Variants in CLRN1 observed in about 807,000 individuals in gnomAD.
The protein encoded by CLRN1 is clarin 1, also known as clarin-1.
CLRN1 carries 15 observed loss-of-function variants against 18.7 expected under a neutral mutation model. That is an observed-to-expected ratio of 0.80 (90% confidence interval 0.54 to 1.23). The LOEUF is 1.23. CLRN1 is among the 50% of genes most tolerant of loss of function. The probability of loss-of-function intolerance (pLI) is 0.00; values close to 1 mark genes in which losing one functional copy is unlikely to be tolerated. For synonymous variants in CLRN1, 104 were observed against 102.9 expected, an observed-to-expected ratio of 1.01 and a Z score of -0.07; for missense variants, 311 against 277.5, an observed-to-expected ratio of 1.12 and a Z score of -0.86.
upstream of CLRN1, chr3:150,972,973 C>T (rs1214248760): frequency 8.8e-6 from 5 of 569,026 alleles, no homozygotes; most frequent in African/African-American, 7.5e-5. Context: ...TAAAACAAGT[C>T]TTTCAAACTG....
intron 1 of CLRN1, chr3:150,944,345 G>C (rs1230429411): frequency 5.4e-6 from 1 of 186,160 alleles, no homozygotes; most frequent in Non-Finnish European, 1.1e-5. Context: ...GAAGCCACTA[G>C]AGAATTTTAA....
intron 1 of CLRN1, among the ~76,000 whole-genome samples, chr3:150,961,589 T>C (rs1490143081): frequency 6.6e-6 from 1 of 152,214 alleles, no homozygotes; most frequent in East Asian, 1.9e-4. Flanking sequence ...ATTAAAGCTA[T>C]AAAGACAGTT....
At chr3:150,939,673 T>G (rs1713696877) in intron 2 of CLRN1, among the ~76,000 whole-genome samples, 1 of 152,136 alleles carries the variant, frequency 6.6e-6, no homozygotes, top group African/African-American at 2.4e-5. Context: ...ACGCTGCTCA[T>G]CTGGGAACTC....
chr3:150,969,007 TCCATAAAACCA>T (rs1240526542), intron 1 of CLRN1, among the ~76,000 whole-genome samples: 2 of 151,352 alleles, frequency 1.3e-5, no homozygotes, highest in East Asian at 3.9e-4. Context: ...AACTCTCTGC[TCCATAAAACCA>T]CACACAAAAA....
intron 2 of CLRN1, among the ~76,000 whole-genome samples, chr3:150,934,187 A>G (rs1713322279): frequency 6.6e-6 from 1 of 152,210 alleles, no homozygotes; most frequent in African/African-American, 2.4e-5. Flanking sequence ...TGAAACTGAT[A>G]TATAATGTAA....
rs1198959688 is a variant in CLRN1 at position 150,965,632 on chromosome 3, C to T, written c.253+6824G>A. 2.6e-5 allele frequency among the ~76,000 whole-genome samples: 4 copies of T among 152,088 alleles called. No homozygotes were observed. The East Asian group carries it at 7.7e-4, about 29-fold the overall frequency. On this transcript the variant is annotated intron_variant, in intron 1 of 2. Coordinates refer to ENST00000327047, the MANE Select transcript of CLRN1 (RefSeq NM_174878.3). ...CAAATTGTGAGAACAGTTGAGGAGT[C>T]ATCCTTCAATAGGTAAAGTTCATAT... is the stretch of plus-strand genomic sequence containing the variant.
rs373532746 is a variant in CLRN1 at position 150,967,075 on chromosome 3, G to T, written c.253+5381C>A. Among the ~76,000 whole-genome samples the T allele has an allele frequency of 1.2e-4, 19 of 152,226 alleles. No individual in the cohort carries two copies. In the South Asian group the frequency reaches 3.5e-3, roughly 28 times the overall value. On this transcript the variant is annotated intron_variant, in intron 1 of 2. Transcript: ENST00000327047. Reference sequence around the variant, plus strand: ...GTGGCAGAGACCCACCTCAAATCCAGGTTGCTTAATTTCAATAGTGTCAGT... The same window carrying T: ...GTGGCAGAGACCCACCTCAAATCCATGTTGCTTAATTTCAATAGTGTCAGT...
At chr3:150,943,912 C>G (rs1296045247) in intron 1 of CLRN1, 1 of 1,612,974 alleles carries the variant, frequency 6.2e-7, no homozygotes. Context: ...TGTGCTCCCT[C>G]CTGCAAGAGG....
intron 2 of CLRN1, among the ~76,000 whole-genome samples, chr3:150,939,746 A>C (rs1713701994): frequency 6.6e-6 from 1 of 152,266 alleles, no homozygotes; most frequent in South Asian, 2.1e-4. Flanking sequence ...TCATCAGTAA[A>C]ACAGCACACC....
intron 2 of CLRN1, among the ~76,000 whole-genome samples, chr3:150,935,469 T>C (rs1396081377): frequency 2.0e-5 from 3 of 152,002 alleles, no homozygotes; most frequent in East Asian, 1.9e-4. Context: ...ACAAAGGACA[T>C]GAACTCATCA....
chr3:150,956,536 A>G (rs775244450), intron 1 of CLRN1, among the ~76,000 whole-genome samples: 9 of 152,176 alleles, frequency 5.9e-5, no homozygotes, highest in Non-Finnish European at 1.2e-4. Context: ...TCCACGCTGC[A>G]TACCTTGGCA....
At chr3:150,950,739 A>G (rs1289611751) in intron 1 of CLRN1, among the ~76,000 whole-genome samples, 7 of 152,234 alleles carry the variant, frequency 4.6e-5, no homozygotes, top group Non-Finnish European at 1.0e-4. Context: ...GGAAAGCAGT[A>G]TGGTGATTCT....
intron 1 of CLRN1, among the ~76,000 whole-genome samples, chr3:150,943,101 T>C (rs2107953976): frequency 6.6e-6 from 1 of 152,258 alleles, no homozygotes; most frequent in South Asian, 2.1e-4. Context: ...GGTGAATTAG[T>C]AAATTTTTGT....
intron 1 of CLRN1, among the ~76,000 whole-genome samples, chr3:150,959,208 C>T (rs571247000): frequency 1.3e-5 from 2 of 152,204 alleles, no homozygotes; most frequent in South Asian, 4.2e-4. Flanking sequence ...TCAGAGTCTA[C>T]CAGAAGGCTT....
intron 2 of CLRN1, among the ~76,000 whole-genome samples, chr3:150,929,186 A>G (rs374847971): frequency 1.2e-4 from 19 of 152,320 alleles, no homozygotes; most frequent in African/African-American, 3.4e-4. Context: ...TTGGTAGCCT[A>G]ATTTTAACAG....
At chr3:150,931,931 G>T (rs936188) in intron 2 of CLRN1, among the ~76,000 whole-genome samples, 88,602 of 151,956 alleles carry the variant, frequency 0.58, 27,632 homozygotes, top group East Asian at 0.7. Flanking sequence ...GAGCTATAAT[G>T]TGGAGTATAA....
Position 150,926,850 on chromosome 3 carries a change from G to T in CLRN1, c.*1086C>A. The stretch of plus-strand genomic sequence containing the variant: ...AGGATGAAGGAAGGGTCAGTTCCAG[G>T]CTCAGCTGTGGCCTTTAGTCAGCTG... On this transcript the variant is annotated 3_prime_UTR_variant, in exon 3 of 3. Transcript: ENST00000327047. 1 of 1,614,078 alleles carries T rather than the reference G, an allele frequency of 6.2e-7. No individual in the cohort carries two copies. The highest frequency in any genetic ancestry group is 1.1e-5 in the South Asian group (1 of 91,072).
intron 1 of CLRN1, among the ~76,000 whole-genome samples, chr3:150,953,487 T>C (rs981570212): frequency 1.3e-5 from 2 of 151,900 alleles, no homozygotes; most frequent in Non-Finnish European, 2.9e-5. Context: ...GTAATAACAA[T>C]AAGAAAAAAA....
chr3:150,936,902 C>T (rs1006820959), intron 2 of CLRN1, among the ~76,000 whole-genome samples: 29 of 152,100 alleles, frequency 1.9e-4, no homozygotes, highest in African/African-American at 6.8e-4. Context: ...CTACTTGGGA[C>T]GTTCTGTGAA....
Sources: gnomAD v4.1 joint callset for allele counts (sites outside exome capture counted in the v4.1 genomes callset) on GRCh38, gnomAD v4.1.1 for gene constraint, MANE v1.5 for transcripts, NCBI Gene and HGNC (gene_info 2026-07-23, HGNC 2026-07-21) for gene names.